Variants in HSF5 observed in about 807,000 individuals in gnomAD.
The protein encoded by HSF5 is heat shock transcription factor 5.
A neutral mutation model predicts 50.8 loss-of-function variants in HSF5; 5 were observed. That is an observed-to-expected ratio of 0.10 (90% CI 0.05 to 0.21). The LOEUF is 0.21. Ranked by LOEUF, HSF5 falls within the 10% of genes least tolerant of loss-of-function variation. The pLI is 1.00. For missense variants in HSF5, 564 were observed against 762.6 expected, an observed-to-expected ratio of 0.74 and a Z score of 3.07; for synonymous variants, 307 against 307.4, an observed-to-expected ratio of 1.00 and a Z score of 0.02.
At chr17:58,428,151 C>T (rs1974318380) in intron 5 of HSF5, among the ~76,000 whole-genome samples, 1 of 152,148 alleles carries the variant, frequency 6.6e-6, no homozygotes, top group Non-Finnish European at 1.5e-5. Context: ...TGTCAGCAAA[C>T]CAGATTTGAT....
intron 2 of HSF5, among the ~76,000 whole-genome samples, chr17:58,468,209 G>A (rs1027384732): frequency 5.3e-5 from 8 of 152,082 alleles, no homozygotes; most frequent in Non-Finnish European, 1.2e-4. Context: ...ACCAGCCTAG[G>A]CAACACGGTG....
At chr17:58,479,543 T>G (rs1975070503) in intron 2 of HSF5, among the ~76,000 whole-genome samples, 1 of 152,128 alleles carries the variant, frequency 6.6e-6, no homozygotes. Context: ...CCTGAAATGA[T>G]GCACCCGCCT....
At chr17:58,450,022 C>CAAAAAA (rs71143248) in intron 5 of HSF5, among the ~76,000 whole-genome samples, 8 of 76,548 alleles carry the variant, frequency 1.0e-4, no homozygotes, top group South Asian at 4.9e-4. Context: ...GACTCCGTCT[C>CAAAAAA]AAAAAAAAAA....
chr17:58,450,662 A>G (rs1468396696), intron 5 of HSF5, among the ~76,000 whole-genome samples: 1 of 151,028 alleles, frequency 6.6e-6, no homozygotes, highest in Non-Finnish European at 1.5e-5. Context: ...CTGAGGCAGG[A>G]GAATCACTTG....
intron 5 of HSF5, among the ~76,000 whole-genome samples, chr17:58,450,432 G>C (rs1974623391): frequency 1.3e-5 from 2 of 149,456 alleles, no homozygotes; most frequent in Non-Finnish European, 3.0e-5. Flanking sequence ...CAAACAAGAA[G>C]AGCATTAGCT....
intron 5 of HSF5, among the ~76,000 whole-genome samples, chr17:58,425,321 G>A (rs761564282): frequency 7.9e-5 from 12 of 151,736 alleles, no homozygotes; most frequent in Middle Eastern, 3.4e-3. Context: ...TCGGAAAATC[G>A]CTTGCATCTG....
At chr17:58,483,990 G>A (rs1428701380) in intron 1 of HSF5, among the ~76,000 whole-genome samples, 2 of 152,142 alleles carry the variant, frequency 1.3e-5, no homozygotes, top group East Asian at 3.8e-4. Context: ...AGGAAAAGTA[G>A]AAGAGCCAAG....
At chr17:58,473,586 T>C (rs1298975472) in intron 2 of HSF5, among the ~76,000 whole-genome samples, 6 of 152,140 alleles carry the variant, frequency 3.9e-5, no homozygotes, top group Non-Finnish European at 8.8e-5. Flanking sequence ...AGTCAACTAA[T>C]GCTGGATCTA....
intron 3 of HSF5, among the ~76,000 whole-genome samples, chr17:58,466,156 A>G (rs1241238963): frequency 6.6e-6 from 1 of 152,178 alleles, no homozygotes; most frequent in African/African-American, 2.4e-5. Context: ...AAATCTGAAA[A>G]AATCCAAAAT....
intron 2 of HSF5, among the ~76,000 whole-genome samples, chr17:58,472,024 T>C (rs1319707129): frequency 6.6e-6 from 1 of 152,038 alleles, no homozygotes; most frequent in Non-Finnish European, 1.5e-5. Context: ...TGGCTAATTT[T>C]TTTTGGATTT....
chr17:58,437,870 C>T (rs1218655587), intron 5 of HSF5, among the ~76,000 whole-genome samples: 1 of 152,160 alleles, frequency 6.6e-6, no homozygotes, highest in African/African-American at 2.4e-5. Context: ...AACACTATAG[C>T]AAACTTATTT....
rs1974752379 is a variant in HSF5, at chr17:58,458,944, A to G, written c.1544T>C (p.Val515Ala). The G allele has an allele frequency of 6.2e-7, 1 of 1,607,186 alleles. No individual in the cohort carries two copies. The highest frequency in any genetic ancestry group is 1.3e-5 in the African/African-American group (1 of 74,642). The change falls in exon 5 of 6, where the codon GTG becomes GCG. Residue 515 changes from valine to alanine, a missense_variant and splice_region_variant. Coordinates refer to ENST00000323777, the MANE Select transcript of HSF5 (RefSeq NM_001080439.3). ...GGTCTGGCATTTTATGTTGGCATCC[A>G]CCTAAAATATTAAACCCATTCATTA... ...QEGPPFSTHQ[V>A]DANIKCQTSS...
chr17:58,440,258 A>G (rs1033616572), intron 5 of HSF5, among the ~76,000 whole-genome samples: 2 of 152,184 alleles, frequency 1.3e-5, no homozygotes, highest in African/African-American at 4.8e-5. Context: ...TTGGGTCTAG[A>G]GGGACAAATG....
intron 5 of HSF5, among the ~76,000 whole-genome samples, chr17:58,450,753 C>CA (rs35586395): frequency 0.45 from 56,084 of 125,018 alleles, 11,542 homozygotes; most frequent in Non-Finnish European, 0.47. Flanking sequence ...AACTCCATCT[C>CA]AAAAAAAAAA....
At chr17:58,476,443 C>T (rs1461651922) in intron 2 of HSF5, 16 of 1,061,364 alleles carry the variant, frequency 1.5e-5, no homozygotes, top group Admixed American at 3.4e-5. Context: ...TTAACTTGAA[C>T]GCTTTGTCAA....
chr17:58,437,846 T>C (rs1207529533), intron 5 of HSF5, among the ~76,000 whole-genome samples: 1 of 152,228 alleles, frequency 6.6e-6, no homozygotes, highest in Non-Finnish European at 1.5e-5. Flanking sequence ...TCTCAAATTT[T>C]TGCTATTATA....
chr17:58,432,076 A>C (rs1974372051), intron 5 of HSF5, among the ~76,000 whole-genome samples: 1 of 152,188 alleles, frequency 6.6e-6, no homozygotes, highest in Non-Finnish European at 1.5e-5. Context: ...GGTAAATTTT[A>C]TGAGCATTTA....
chr17:58,459,136 AT>A (rs1004662261), intron 4 of HSF5, among the ~76,000 whole-genome samples, 191 bp from the exon 5 acceptor site: 85 of 152,086 alleles, frequency 5.6e-4, no homozygotes, highest in African/African-American at 2.0e-3. Flanking sequence ...GAGCTAAAAC[AT>A]TTACTTATGA....
intron 5 of HSF5, among the ~76,000 whole-genome samples, chr17:58,431,630 A>G (rs1974366175): frequency 6.6e-6 from 1 of 152,226 alleles, no homozygotes; most frequent in African/African-American, 2.4e-5. Context: ...CTTAGTTTTC[A>G]GTATCAGAGC....
Sources: gnomAD v4.1 joint callset for allele counts (sites outside exome capture counted in the v4.1 genomes callset) on GRCh38, gnomAD v4.1.1 for gene constraint, MANE v1.5 for transcripts, NCBI Gene and HGNC (gene_info 2026-07-23, HGNC 2026-07-21) for gene names.